The following CENPC variants were observed in gnomAD, a reference collection of about 807,000 sequenced individuals.
The protein encoded by CENPC is centromere protein C.
A neutral mutation model predicts 112.1 loss-of-function variants in CENPC; 63 were observed. That is an observed-to-expected ratio of 0.56 (90% CI 0.46 to 0.69). The LOEUF is 0.69. Among genes scored for constraint, CENPC ranks in the 30% least tolerant of loss-of-function variants. The pLI, the probability that CENPC is intolerant of heterozygous loss-of-function variation, is 0.00. For synonymous variants in CENPC, 333 were observed against 367.6 expected (o/e 0.91, Z 1.08); for missense variants, 1,000 against 1,103.8 (o/e 0.91, Z 1.33).
chr4:67,509,581 T>C (rs934444753), intron 9 of CENPC, among the ~76,000 whole-genome samples: 7 of 152,164 alleles, frequency 4.6e-5, no homozygotes, highest in Non-Finnish European at 8.8e-5. Context: ...AAAATACAAC[T>C]ACCTATTCTA....
At chr4:67,537,212 T>A (rs368990172) in intron 4 of CENPC, among the ~76,000 whole-genome samples, 21 of 151,860 alleles carry the variant, frequency 1.4e-4, no homozygotes, top group African/African-American at 4.3e-4. Flanking sequence ...GTAGAACATT[T>A]AAAAAAAATA....
chr4:67,534,184 G>A (rs1726644470), intron 4 of CENPC, among the ~76,000 whole-genome samples: 1 of 152,206 alleles, frequency 6.6e-6, no homozygotes, highest in Non-Finnish European at 1.5e-5. Context: ...GGGAGGCTGA[G>A]GCGGGTGGAT....
At chr4:67,491,472 TATATATATAGAG>T (rs1316054302) in intron 16 of CENPC, among the ~76,000 whole-genome samples, 427 of 39,102 alleles carry the variant, frequency 0.011, 2 homozygotes, top group Non-Finnish European at 0.015. Context: ...TATATATATA[TATATATATAGAG>T]AGAGAGAGAG....
At chr4:67,515,080 G>A (rs978041589) in intron 7 of CENPC, among the ~76,000 whole-genome samples, 4 of 151,872 alleles carry the variant, frequency 2.6e-5, no homozygotes, top group Middle Eastern at 3.4e-3. Flanking sequence ...AACTTTTGGG[G>A]TCTGAATTTC....
intron 16 of CENPC, among the ~76,000 whole-genome samples, chr4:67,491,521 A>AGAGAGAGAGAGAGG (rs1725278587): frequency 7.4e-6 from 1 of 134,722 alleles, no homozygotes; most frequent in Non-Finnish European, 1.6e-5. Flanking sequence ...AGAGAGAGAG[A>AGAGAGAGAGAGAGG]GAGAGAGCCT....
intron 1 of CENPC, 40 bp downstream of exon 1, chr4:67,545,298 C>A: frequency 6.9e-7 from 1 of 1,457,796 alleles, no homozygotes; most frequent in Admixed American, 2.4e-5. Context: ...CCCCAGCCAG[C>A]CGCTCAACCA....
chr4:67,524,220 T>C (rs751556109), intron 5 of CENPC, among the ~76,000 whole-genome samples: 7 of 152,122 alleles, frequency 4.6e-5, no homozygotes, highest in Non-Finnish European at 8.8e-5. Context: ...ACAATAGATT[T>C]TGCAGCCACC....
chr4:67,517,824 G>A (rs181369456), intron 7 of CENPC, among the ~76,000 whole-genome samples: 22 of 152,218 alleles, frequency 1.4e-4, no homozygotes, highest in Admixed American at 4.6e-4. Flanking sequence ...AAGACAGAGC[G>A]AGACCCTGTC....
chr4:67,479,020 T>C (rs577923528), intron 17 of CENPC, among the ~76,000 whole-genome samples: 1 of 151,996 alleles, frequency 6.6e-6, no homozygotes, highest in Non-Finnish European at 1.5e-5. Flanking sequence ...CAGGAAAATA[T>C]CACAATCCTA....
At chr4:67,506,589 G>A (rs993277879) in intron 11 of CENPC, among the ~76,000 whole-genome samples, 199 bp downstream of exon 11, 1 of 152,174 alleles carries the variant, frequency 6.6e-6, no homozygotes, top group African/African-American at 2.4e-5. Context: ...GTTAAAACCA[G>A]AAAGATGACT....
Position 67,508,840 on chromosome 4 carries a change from A to T in CENPC, c.1878T>A (p.Ala626=), listed in dbSNP as rs757462230. 1.6e-5 allele frequency: 26 copies of T among 1,613,448 alleles called. No individual in the cohort carries two copies. The highest frequency in any genetic ancestry group is 2.2e-5 in the East Asian group (1 of 44,858). Residue 626 remains alanine (A), a synonymous_variant, in exon 10 of 19, where the codon GCT becomes GCA. Coordinates refer to ENST00000273853, the MANE Select transcript of CENPC (RefSeq NM_001812.4). ...TAGAACAATCAAGATTTTTCTTCTT[A>T]GCCAAGTCTGCCTCATCACTTTCCA... ...EPLESDEADL[A]KKKNLDCSRS...
chr4:67,474,730 T>A, intron 18 of CENPC, 158 bp downstream of exon 18: 1 of 626,590 alleles, frequency 1.6e-6, no homozygotes, highest in Non-Finnish European at 2.9e-6. Flanking sequence ...AAAATGCTAA[T>A]ACACTTACCT....
chr4:67,486,398 A>G (rs1035468578), intron 17 of CENPC, among the ~76,000 whole-genome samples: 5 of 152,316 alleles, frequency 3.3e-5, no homozygotes, highest in Admixed American at 1.3e-4. Context: ...AAAAATAAAT[A>G]TTTAATACCA....
At chr4:67,518,040 A>C (rs1726108861) in intron 7 of CENPC, 116 bp downstream of exon 7, 7 of 602,698 alleles carry the variant, frequency 1.2e-5, no homozygotes, top group Non-Finnish European at 1.8e-5. Flanking sequence ...ATTTCAATTA[A>C]AATTTTTGTT....
chr4:67,519,988 T>C (rs986164866), intron 5 of CENPC, among the ~76,000 whole-genome samples: 2 of 151,978 alleles, frequency 1.3e-5, no homozygotes, highest in African/African-American at 4.8e-5. Flanking sequence ...GAAAAAAAGG[T>C]AGACTAGCTA....
chr4:67,537,744 G>T (rs1050090179), intron 4 of CENPC, among the ~76,000 whole-genome samples: 1 of 152,154 alleles, frequency 6.6e-6, no homozygotes, highest in Non-Finnish European at 1.5e-5. Flanking sequence ...AGTGAGCCAA[G>T]ATAGCACCAC....
chr4:67,523,840 T>C (rs1001428843), intron 5 of CENPC, among the ~76,000 whole-genome samples: 2 of 152,014 alleles, frequency 1.3e-5, no homozygotes, highest in African/African-American at 2.4e-5. Flanking sequence ...CAGGAGAGCA[T>C]CTTGTGGCTC....
intron 4 of CENPC, among the ~76,000 whole-genome samples, chr4:67,536,150 G>A (rs969748918): frequency 6.6e-5 from 10 of 152,084 alleles, no homozygotes; most frequent in Non-Finnish European, 1.5e-4. Context: ...ATTTAAAAAG[G>A]TGAAAACCAG....
chr4:67,513,332 A>C lies in CENPC; in HGVS notation c.1444+742T>G, dbSNP rs138727358. 6.3e-3 allele frequency among the ~76,000 whole-genome samples: 957 copies of C among 152,314 alleles called. 11 individuals carry two copies. The highest frequency in any genetic ancestry group is 0.022 in the African/African-American group (926 of 41,574). On this transcript the variant is annotated intron_variant, in intron 8 of 18. Coordinates refer to ENST00000273853, the MANE Select transcript of CENPC (RefSeq NM_001812.4). Reference sequence around the variant, plus strand: ...GTGTAGTAACTTGTCATATGACAGCAATAGAAAATTAATACAACTGATATG... The same window carrying C: ...GTGTAGTAACTTGTCATATGACAGCCATAGAAAATTAATACAACTGATATG...
Sources: gnomAD v4.1 joint callset for allele counts (sites outside exome capture counted in the v4.1 genomes callset) on GRCh38, gnomAD v4.1.1 for gene constraint, MANE v1.5 for transcripts, NCBI Gene and HGNC (gene_info 2026-07-23, HGNC 2026-07-21) for gene names.